Variants in RPH3A observed in about 807,000 individuals in gnomAD.
RPH3A encodes the protein rabphilin 3A.
In RPH3A, 48 loss-of-function variants were observed where a neutral mutation model predicts 102.2. The ratio of observed to expected loss-of-function variants is 0.47; its 90% CI spans 0.37 to 0.60. RPH3A has a LOEUF of 0.60. Among genes scored for constraint, RPH3A ranks in the 20% least tolerant of loss-of-function variants. The probability of loss-of-function intolerance (pLI) is 0.00; values close to 1 mark genes in which losing one functional copy is unlikely to be tolerated. For missense variants in RPH3A, 781 were observed against 910.1 expected, an observed-to-expected ratio of 0.86 and a Z score of 1.83; for synonymous variants, 310 against 324.3, an observed-to-expected ratio of 0.96 and a Z score of 0.47.
Position 112,862,012 on chromosome 12 carries a change from CAAAA to C in RPH3A, c.231-3383_231-3380del, listed in dbSNP as rs56918360. 5.0e-3 allele frequency among the ~76,000 whole-genome samples: 394 copies of C among 78,468 alleles called. 3 individuals carry two copies. The highest frequency in any genetic ancestry group is 0.019 in the African/African-American group (380 of 20,310). 51.5% of individuals were successfully genotyped at this position (78,468 alleles called of 152,430 possible). On this transcript the variant is annotated intron_variant, in intron 5 of 21. Coordinates refer to ENST00000389385, the MANE Select transcript of RPH3A (RefSeq NM_001143854.2). ...TGGGTGACAGAGCAAGACTCCGTCT[CAAAA>C]AAAAAAAAAAAAAAAAAAGGATATC...
intron 1 of RPH3A, among the ~76,000 whole-genome samples, chr12:112,638,671 T>C (rs4766986): frequency 0.98 from 148,607 of 152,280 alleles, 72,525 homozygotes; most frequent in East Asian, 1. Flanking sequence ...GGTTAACAAA[T>C]GCAGAATTGC....
intron 1 of RPH3A, among the ~76,000 whole-genome samples, chr12:112,647,605 A>ATG (rs34686040): frequency 6.5e-4 from 98 of 149,690 alleles, no homozygotes; most frequent in East Asian, 2.6e-3. Context: ...GTGTGTGTGT[A>ATG]TGTGTGTGTG....
chr12:112,712,137 A>G (rs2040467363), intron 1 of RPH3A, among the ~76,000 whole-genome samples: 1 of 152,108 alleles, frequency 6.6e-6, no homozygotes, highest in Non-Finnish European at 1.5e-5. Context: ...CGGCCTCTGT[A>G]CATTTTAGTT....
At chr12:112,640,440 A>C (rs2039880998) in intron 1 of RPH3A, among the ~76,000 whole-genome samples, 1 of 148,038 alleles carries the variant, frequency 6.8e-6, no homozygotes, top group East Asian at 2.1e-4. Flanking sequence ...GGGGCTTATT[A>C]ATGATCCCTC....
At chr12:112,594,503 C>T (rs2039502664) in intron 1 of RPH3A, among the ~76,000 whole-genome samples, 1 of 152,144 alleles carries the variant, frequency 6.6e-6, no homozygotes, top group South Asian at 2.1e-4. Context: ...TCTAATAATC[C>T]CTCCCTCCAT....
intron 1 of RPH3A, among the ~76,000 whole-genome samples, chr12:112,579,094 A>G (rs1382753136): frequency 6.6e-6 from 1 of 152,232 alleles, no homozygotes; most frequent in African/African-American, 2.4e-5. Context: ...CAAGAGATTC[A>G]TAGACAGCCT....
chr12:112,878,995 C>T (rs2042857327), intron 13 of RPH3A, 124 bp from the exon 14 acceptor site: 16 of 830,760 alleles, frequency 1.9e-5, no homozygotes, highest in South Asian at 9.5e-5. Flanking sequence ...CAGCAAAAAC[C>T]GAGTTTTCTT....
intron 1 of RPH3A, among the ~76,000 whole-genome samples, chr12:112,712,880 T>TTCTTCTTCTTCTTCTTCTTCC (rs2040473244): frequency 2.4e-5 from 3 of 125,156 alleles, no homozygotes; most frequent in African/African-American, 1.3e-4. Flanking sequence ...TCACTTTTTT[T>TTCTTCTTCTTCTTCTTCTTCC]TCTTCTTCTT....
At chr12:112,612,373 G>A (rs375038947) in intron 1 of RPH3A, among the ~76,000 whole-genome samples, 36 of 152,070 alleles carry the variant, frequency 2.4e-4, no homozygotes, top group Admixed American at 1.2e-3. Context: ...TAACGGGCCC[G>A]AGAAACAGGG....
At chr12:112,612,896 C>G (rs925412732) in intron 1 of RPH3A, among the ~76,000 whole-genome samples, 1 of 151,806 alleles carries the variant, frequency 6.6e-6, no homozygotes, top group African/African-American at 2.4e-5. Flanking sequence ...TTTTTAAACT[C>G]TAGGATATCC....
At chr12:112,630,911 T>G (rs554350979) in intron 1 of RPH3A, among the ~76,000 whole-genome samples, 1 of 152,096 alleles carries the variant, frequency 6.6e-6, no homozygotes. Flanking sequence ...GTTAAGTCCC[T>G]GGGGTGGGAG....
chr12:112,683,828 G>C (rs928346498), intron 1 of RPH3A, among the ~76,000 whole-genome samples: 4 of 152,158 alleles, frequency 2.6e-5, no homozygotes, highest in Admixed American at 6.5e-5. Flanking sequence ...CACTTAAGGA[G>C]AGAACTGGTC....
chr12:112,854,671 T>C lies in RPH3A; in HGVS notation c.230+6829T>C, dbSNP rs555830323. ...CTGTGCTAGGAACTTTTAAATATCA[T>C]ATATTTCGTTTAATCCTCATAATGT... is the stretch of plus-strand genomic sequence containing the variant. On this transcript the variant is annotated intron_variant, in intron 5 of 21. Transcript: ENST00000389385. 9.8e-4 allele frequency among the ~76,000 whole-genome samples: 149 copies of C among 152,342 alleles called. 2 individuals carry two copies. The highest frequency in any genetic ancestry group is 3.3e-3 in the African/African-American group (137 of 41,574).
At chr12:112,736,866 T>G (rs1428351166) in intron 1 of RPH3A, among the ~76,000 whole-genome samples, 1 of 152,046 alleles carries the variant, frequency 6.6e-6, no homozygotes, top group Non-Finnish European at 1.5e-5. Context: ...TAAAGAAAAG[T>G]ACTTCTGGCC....
chr12:112,732,411 C>G (rs746616137), intron 1 of RPH3A, among the ~76,000 whole-genome samples: 4 of 152,178 alleles, frequency 2.6e-5, no homozygotes, highest in African/African-American at 9.7e-5. Flanking sequence ...ATTTCTTACC[C>G]GTAACATGGG....
At chr12:112,712,987 G>C (rs60769856) in intron 1 of RPH3A, among the ~76,000 whole-genome samples, 1 of 62,616 alleles carries the variant, frequency 1.6e-5, no homozygotes, top group African/African-American at 6.0e-5. Flanking sequence ...CTTCTTCGTC[G>C]TCTTTGTCTT....
chr12:112,620,355 T>C (rs1397846898), intron 1 of RPH3A, among the ~76,000 whole-genome samples: 1 of 152,148 alleles, frequency 6.6e-6, no homozygotes, highest in Non-Finnish European at 1.5e-5. Flanking sequence ...GGAAGAGGTG[T>C]GGATACTGAG....
rs777333598 is a variant in RPH3A at position 112,865,506 on chromosome 12, T to C, written c.323T>C (p.Leu108Pro). 8 of 1,613,912 alleles carry C rather than the reference T, an allele frequency of 5.0e-6. No individual in the cohort carries two copies. The highest frequency in any genetic ancestry group is 2.7e-5 in the African/African-American group (2 of 74,906). Residue 108 changes from leucine to proline, a missense_variant, in exon 6 of 22, where the codon CTG (leucine) becomes CCG (proline). Transcript: ENST00000389385. The part of the protein sequence containing the change: ...CILCGEQLGM[L>P]GSACVVCEDC... ...CTGTGTGGAGAACAGCTGGGGATGCTGGGCTCTGCCTGTGTAGTATGTGAG... is the reference window on the plus strand; with the variant it reads ...CTGTGTGGAGAACAGCTGGGGATGCCGGGCTCTGCCTGTGTAGTATGTGAG...
intron 1 of RPH3A, among the ~76,000 whole-genome samples, chr12:112,596,574 T>C (rs1324628505): frequency 1.3e-5 from 2 of 152,242 alleles, no homozygotes; most frequent in African/African-American, 2.4e-5. Flanking sequence ...AGTATTGTTC[T>C]ATCAGTCTTT....
Sources: gnomAD v4.1 joint callset for allele counts (sites outside exome capture counted in the v4.1 genomes callset) on GRCh38, gnomAD v4.1.1 for gene constraint, MANE v1.5 for transcripts, NCBI Gene and HGNC (gene_info 2026-07-23, HGNC 2026-07-21) for gene names.